CCDC88A: variants seen among roughly 807,000 people sequenced by gnomAD.
CCDC88A encodes girdin.
A neutral mutation model predicts 234.3 loss-of-function variants in CCDC88A; 54 were observed. That is an observed-to-expected ratio of 0.23 (90% CI 0.19 to 0.29). CCDC88A has a LOEUF of 0.29. Among genes scored for constraint, CCDC88A ranks in the 10% least tolerant of loss-of-function variants. CCDC88A has a pLI of 1.00. For synonymous variants in CCDC88A, 753 were observed against 737.8 expected (o/e 1.02, Z -0.33); for missense variants, 1,832 against 2,123.4 (o/e 0.86, Z 2.70).
At chr2:55,359,956 A>G (rs556480823) in intron 7 of CCDC88A, among the ~76,000 whole-genome samples, 11 of 152,274 alleles carry the variant, frequency 7.2e-5, no homozygotes, top group African/African-American at 2.2e-4. Context: ...AGGCAAAGGT[A>G]TTACAGTATT....
intron 23 of CCDC88A, among the ~76,000 whole-genome samples, chr2:55,310,345 G>A (rs143464507): frequency 2.6e-5 from 4 of 152,294 alleles, no homozygotes; most frequent in African/African-American, 9.6e-5. Flanking sequence ...GCTTTGGGAG[G>A]TGGAGGCAGG....
chr2:55,404,914 T>C (rs561147996), intron 2 of CCDC88A: 2 of 152,266 alleles, frequency 1.3e-5, no homozygotes, highest in African/African-American at 4.8e-5. Context: ...GTATTTTTAG[T>C]AGAGATGGGG....
intron 2 of CCDC88A, chr2:55,397,474 A>G (rs567088214): frequency 9.2e-5 from 14 of 152,168 alleles, no homozygotes; most frequent in South Asian, 2.1e-4. Flanking sequence ...TCATTACTAC[A>G]TGACAATATA....
chr2:55,371,512 T>TATA (rs1283091035), intron 5 of CCDC88A, among the ~76,000 whole-genome samples: 1 of 152,168 alleles, frequency 6.6e-6, no homozygotes, highest in African/African-American at 2.4e-5. Flanking sequence ...AAAAACATAG[T>TATA]ATAATAGATT....
At chr2:55,415,529 A>G (rs967156937) in intron 2 of CCDC88A, among the ~76,000 whole-genome samples, 2 of 152,200 alleles carry the variant, frequency 1.3e-5, no homozygotes, top group African/African-American at 4.8e-5. Context: ...TTTCCAGGCC[A>G]CAGAACAGGA....
At chr2:55,386,940 C>T (rs1167141324) in intron 3 of CCDC88A, among the ~76,000 whole-genome samples, 3 of 150,680 alleles carry the variant, frequency 2.0e-5, no homozygotes, top group South Asian at 2.1e-4. Context: ...TTTGGGAGGC[C>T]GAGGCGGGTG....
chr2:55,379,016 G>C (rs551679077), intron 3 of CCDC88A, among the ~76,000 whole-genome samples: 53 of 152,206 alleles, frequency 3.5e-4, no homozygotes, highest in South Asian at 3.1e-3. Context: ...AAAGTGCAAG[G>C]ATTACAGGCA....
chr2:55,395,358 C>T (rs561584964), intron 2 of CCDC88A, among the ~76,000 whole-genome samples: 1 of 152,292 alleles, frequency 6.6e-6, no homozygotes, highest in East Asian at 1.9e-4. Flanking sequence ...ACTGTTACAT[C>T]ATCCTCAAAG....
At chr2:55,308,491 C>T (rs150264308) in intron 25 of CCDC88A, 5 of 246,546 alleles carry the variant, frequency 2.0e-5, no homozygotes, top group African/African-American at 9.0e-5. Context: ...TTGTAACTGT[C>T]CTGTGAAGTA....
intron 8 of CCDC88A, among the ~76,000 whole-genome samples, chr2:55,354,171 C>T (rs1484089989): frequency 1.3e-5 from 2 of 150,544 alleles, no homozygotes; most frequent in African/African-American, 4.9e-5. Context: ...GACAGAGTCT[C>T]GCTCTGTCAG....
intron 2 of CCDC88A, chr2:55,394,323 G>C (rs1332164442): frequency 6.6e-6 from 1 of 152,068 alleles, no homozygotes; most frequent in East Asian, 1.9e-4. Context: ...TCTTAATCCA[G>C]TCTATCATTG....
intron 29 of CCDC88A, chr2:55,296,906 C>T (rs973005125): frequency 6.1e-6 from 1 of 163,180 alleles, no homozygotes; most frequent in African/African-American, 2.4e-5. Flanking sequence ...CCTTGCAGGC[C>T]AGGCGTGGTG....
At chr2:55,418,761 C>G in intron 2 of CCDC88A, 55 bp downstream of exon 2, 1 of 1,364,374 alleles carries the variant, frequency 7.3e-7, no homozygotes. Flanking sequence ...TCTCAAAGTT[C>G]ACCATATGCT....
chr2:55,302,849 G>T, intron 26 of CCDC88A: 1 of 335,856 alleles, frequency 3.0e-6, no homozygotes, highest in Non-Finnish European at 5.5e-6. Context: ...TAAGTTACAT[G>T]TATGACTAGA....
chr2:55,325,202 GTTC>G, intron 17 of CCDC88A, among the ~76,000 whole-genome samples: 1 of 152,320 alleles, frequency 6.6e-6, no homozygotes, highest in Non-Finnish European at 1.5e-5. Context: ...CATGAACATG[GTTC>G]TTATCTCCAT....
At chr2:55,305,585 G>T (rs1185016799) in intron 25 of CCDC88A, among the ~76,000 whole-genome samples, 1 of 152,146 alleles carries the variant, frequency 6.6e-6, no homozygotes, top group African/African-American at 2.4e-5. Context: ...AGTGGTTCAT[G>T]CCTGTAATCC....
At chr2:55,400,230 G>A (rs1574469482) in intron 2 of CCDC88A, among the ~76,000 whole-genome samples, 1 of 152,070 alleles carries the variant, frequency 6.6e-6, no homozygotes, top group Admixed American at 6.5e-5. Flanking sequence ...TCTAAAGAAT[G>A]TATCTTTGGA....
Position 55,418,844 on chromosome 2 carries a change from C to T in CCDC88A, c.136G>A (p.Val46Ile), listed in dbSNP as rs1558864741. 2 of 1,613,936 alleles carry T rather than the reference C, an allele frequency of 1.2e-6. No individual in the cohort carries two copies. The highest frequency in any genetic ancestry group is 8.5e-7 in the Non-Finnish European group (1 of 1,179,790). Residue 46 changes from valine to isoleucine, a missense_variant, in exon 2 of 33, where the codon GTA becomes ATA. Physicochemically the swap from Val to Ile is conservative, Grantham distance 29. Coordinates refer to ENST00000436346, the MANE Select transcript of CCDC88A (RefSeq NM_001365480.1). ...LDEYVALVDG[V>I]FLNQVMLQIN... is the part of the protein sequence containing the mutation. ...TGGAGCATGACCTGGTTCAAGAATA[C>T]CCCATCCACCAAAGCCACATATTCA...
chr2:55,295,461 C>T (rs1376998460), intron 31 of CCDC88A, 136 bp downstream of exon 31: 1 of 1,567,210 alleles, frequency 6.4e-7, no homozygotes, highest in Non-Finnish European at 8.7e-7. Context: ...ATGTGACCTT[C>T]CTGTTCTTGA....
Sources: allele counts gnomAD v4.1 joint callset (sites outside exome capture counted in the v4.1 genomes callset), GRCh38; gene constraint gnomAD v4.1.1; transcripts MANE v1.5; gene names NCBI Gene and HGNC (gene_info 2026-07-23, HGNC 2026-07-21).